Variants in PRKDC observed in about 807,000 individuals in gnomAD.
PRKDC encodes DNA-dependent protein kinase catalytic subunit.
In PRKDC, 82 loss-of-function variants were observed where a neutral mutation model predicts 486.9. The ratio of observed to expected loss-of-function variants is 0.17; its 90% confidence interval spans 0.14 to 0.20. The LOEUF is 0.20. PRKDC is among the 10% of genes least tolerant of loss of function. PRKDC has a pLI of 1.00. For synonymous variants in PRKDC, 1,895 were observed against 1,837.0 expected (o/e 1.03, Z -0.81); for missense variants, 4,504 against 5,038.2 (o/e 0.89, Z 3.21).
At chr8:47,873,254 A>C (rs1554637291) in intron 40 of PRKDC, among the ~76,000 whole-genome samples, 2 of 144,782 alleles carry the variant, frequency 1.4e-5, no homozygotes, top group African/African-American at 5.2e-5. Flanking sequence ...AAAAAAAAAT[A>C]GGCCAAGCGA....
chr8:47,893,262 A>G lies in PRKDC; in HGVS notation c.3724T>C (p.Leu1242=). The G allele has an allele frequency of 6.2e-7, 1 of 1,612,506 alleles. No individual in the cohort carries two copies. The highest frequency in any genetic ancestry group is 1.3e-5 in the African/African-American group (1 of 75,048). Residue 1242 remains leucine (L), a synonymous_variant, in exon 31 of 86, where the codon TTG becomes CTG. Coordinates refer to ENST00000314191, the MANE Select transcript of PRKDC (RefSeq NM_006904.7). The part of the protein sequence containing the change: ...PSGILAQPTL[L]YLRGPFSLQA... The stretch of plus-strand genomic sequence containing the variant: ...AGGCTGAATGGCCCCCGAAGGTACA[A>G]GAGGGTGGGCTGGGCCAGGATGCCC...
At chr8:47,804,132 T>C (rs560972246) in intron 69 of PRKDC, among the ~76,000 whole-genome samples, 1 of 152,304 alleles carries the variant, frequency 6.6e-6, no homozygotes, top group Non-Finnish European at 1.5e-5. Context: ...TGGATTTGCC[T>C]ACACCAGACA....
chr8:47,853,986 G>A, intron 51 of PRKDC, 97 bp downstream of exon 51: 1 of 1,457,672 alleles, frequency 6.9e-7, no homozygotes, highest in Non-Finnish European at 9.4e-7. Context: ...TTGTAGCATG[G>A]GTCTGGTCCT....
chr8:47,845,120 C>T (rs2088237396), intron 54 of PRKDC, among the ~76,000 whole-genome samples: 1 of 152,096 alleles, frequency 6.6e-6, no homozygotes, highest in Non-Finnish European at 1.5e-5. Context: ...AGGAAAGAGG[C>T]TGAGGCAAAA....
intron 63 of PRKDC, among the ~76,000 whole-genome samples, chr8:47,825,520 A>AAAC (rs2087718540): frequency 4.0e-5 from 6 of 150,492 alleles, no homozygotes; most frequent in African/African-American, 1.5e-4. Context: ...AAAAAAAAAA[A>AAAC]AAAAAAAAAA....
intron 48 of PRKDC, among the ~76,000 whole-genome samples, chr8:47,857,995 C>T (rs777498024): frequency 2.0e-5 from 3 of 152,170 alleles, no homozygotes; most frequent in African/African-American, 4.8e-5. Context: ...ACCTGCTTGG[C>T]TCACCCAGGG....
At chr8:47,858,094 A>G (rs1233520791) in intron 48 of PRKDC, among the ~76,000 whole-genome samples, 1 of 151,698 alleles carries the variant, frequency 6.6e-6, no homozygotes, top group Non-Finnish European at 1.5e-5. Context: ...TCCAAAATGG[A>G]CTCCAAGATG....
Position 47,855,121 on chromosome 8 carries a change from C to G in PRKDC, c.6761+101G>C, listed in dbSNP as rs2088503987. The stretch of plus-strand genomic sequence containing the variant: ...GTAACAATAAATTATTTTCTTCCTC[C>G]TATCATTTCATGTAATTAAATTTCA... On this transcript the variant is annotated intron_variant, in intron 50 of 85. Coordinates refer to ENST00000314191, the MANE Select transcript of PRKDC (RefSeq NM_006904.7). The G allele has an allele frequency of 8.5e-6, 10 of 1,180,212 alleles. No homozygotes were observed. The Admixed American group carries it at 8.8e-5, about 10-fold the overall frequency. The allele number at this position is 1,180,212 out of a possible 1,614,324, so 73.1% of individuals were successfully genotyped here.
chr8:47,907,396 C>CTATATA (rs368939598), intron 25 of PRKDC, among the ~76,000 whole-genome samples: 191 of 144,128 alleles, frequency 1.3e-3, no homozygotes, highest in African/African-American at 4.5e-3. Flanking sequence ...GTATACATAG[C>CTATATA]TATATATATA....
intron 41 of PRKDC, among the ~76,000 whole-genome samples, 166 bp downstream of exon 41, chr8:47,864,390 G>C (rs2088754434): frequency 6.6e-6 from 1 of 152,118 alleles, no homozygotes; most frequent in East Asian, 1.9e-4. Flanking sequence ...GCGTTAAGTT[G>C]TTACAGAAGC....
intron 11 of PRKDC, among the ~76,000 whole-genome samples, chr8:47,938,970 G>A (rs200955048): frequency 2.0e-5 from 3 of 152,052 alleles, no homozygotes; most frequent in African/African-American, 7.2e-5. Context: ...TAGGAATAAG[G>A]AGCAGCATAG....
In PRKDC at chr8:47,959,958, C is replaced by A; in HGVS notation, c.154+15G>T. ...GCCAGGACCCACCCGCGGCCCAGCT[C>A]GGGCCGGTACCCACCCAGCACCGCG... On this transcript the variant is annotated intron_variant, in intron 1 of 85. Transcript: ENST00000314191. The A allele has an allele frequency of 6.5e-7, 1 of 1,534,032 alleles. No individual in the cohort carries two copies. The highest frequency in any genetic ancestry group is 1.2e-5 in the South Asian group (1 of 83,936).
chr8:47,794,909 A>G (rs1343961001), intron 73 of PRKDC, among the ~76,000 whole-genome samples: 1 of 152,070 alleles, frequency 6.6e-6, no homozygotes, highest in East Asian at 1.9e-4. Flanking sequence ...TATTTTTTTG[A>G]GATGGGGTCT....
rs143616768 is a variant in PRKDC, at chr8:47,836,641, A to G, written c.7762-114T>C. The stretch of plus-strand genomic sequence containing the variant: ...CTAATGGTACCATCAGCATATTTGT[A>G]CCATAACTTCATATGCAGCTGAAGA... On this transcript the variant is annotated intron_variant, in intron 57 of 85. Transcript: ENST00000314191. 3.7e-4 allele frequency: 361 copies of G among 980,272 alleles called. 3 individuals are homozygous for G. In the African/African-American group the frequency reaches 4.0e-3, roughly 11 times the overall value. 60.7% of individuals were successfully genotyped at this position (980,272 alleles called of 1,614,324 possible).
intron 60 of PRKDC, among the ~76,000 whole-genome samples, chr8:47,831,307 C>G (rs2087867051): frequency 6.6e-6 from 1 of 152,242 alleles, no homozygotes. Context: ...GCGGCTGGCG[C>G]TGAACTGGAG....
chr8:47,874,586 T>C (rs923623308), intron 40 of PRKDC, among the ~76,000 whole-genome samples: 2 of 151,996 alleles, frequency 1.3e-5, no homozygotes, highest in Non-Finnish European at 2.9e-5. Context: ...GGCGAAACCC[T>C]GTGTCTACTA....
chr8:47,906,282 G>A (rs2089780109), intron 25 of PRKDC, among the ~76,000 whole-genome samples: 1 of 152,130 alleles, frequency 6.6e-6, no homozygotes, highest in South Asian at 2.1e-4. Context: ...AGGAGGTGGA[G>A]GCTTTAGGGA....
chr8:47,933,248 A>G (rs892438113), intron 15 of PRKDC, 76 bp from the exon 16 acceptor site: 12 of 1,191,314 alleles, frequency 1.0e-5, no homozygotes, highest in Non-Finnish European at 1.2e-5. Flanking sequence ...ATTAAGACAC[A>G]TACACAGATG....
chr8:47,916,995 G>A (rs1367854400), intron 22 of PRKDC, among the ~76,000 whole-genome samples: 3 of 152,128 alleles, frequency 2.0e-5, no homozygotes, highest in Non-Finnish European at 2.9e-5. Flanking sequence ...AGTGGCACAC[G>A]TCTGTAATCC....
Sources: gnomAD v4.1 joint callset for allele counts (sites outside exome capture counted in the v4.1 genomes callset) on GRCh38, gnomAD v4.1.1 for gene constraint, MANE v1.5 for transcripts, NCBI Gene and HGNC (gene_info 2026-07-23, HGNC 2026-07-21) for gene names.